TNFRSF8: variants seen among roughly 807,000 people sequenced by gnomAD.
TNFRSF8 encodes tumor necrosis factor receptor superfamily member 8.
A neutral mutation model predicts 70.8 loss-of-function variants in TNFRSF8; 26 were observed. The ratio of observed to expected loss-of-function variants is 0.37; its 90% CI spans 0.27 to 0.51. The LOEUF is 0.51. TNFRSF8 is among the 20% of genes least tolerant of loss of function. The probability of loss-of-function intolerance (pLI) is 0.94; values close to 1 mark genes in which losing one functional copy is unlikely to be tolerated. For missense variants in TNFRSF8, 720 were observed against 807.9 expected, an observed-to-expected ratio of 0.89 and a Z score of 1.32; for synonymous variants, 356 against 339.2, an observed-to-expected ratio of 1.05 and a Z score of -0.54.
In TNFRSF8 at chr1:12,063,525, C is replaced by T; in HGVS notation, c.-74C>T. 7.9e-7 allele frequency: 1 copy of T among 1,262,124 alleles called. No homozygotes were observed. The highest frequency in any genetic ancestry group is 1.6e-5 in the African/African-American group (1 of 64,210). The allele number at this position is 1,262,124 out of a possible 1,614,324, so 78.2% of individuals were successfully genotyped here. A position where few individuals can be genotyped will look rare whatever the true frequency, so the allele number is the denominator to read the frequency against. On this transcript the variant is annotated 5_prime_UTR_variant, in exon 1 of 15. It adds an upstream start codon to the 5' untranslated region. Coordinates refer to ENST00000263932, the MANE Select transcript of TNFRSF8 (RefSeq NM_001243.5). The surrounding 1 kb of genome is among the most constrained non-coding windows in gnomAD (Gnocchi z 7.2). ...GCGGCTGAGAACCGCCGGGACCGCA[C>T]GTGGGCGCCGCGCGCTTCCCCCGCT... is the stretch of plus-strand genomic sequence containing the variant.
At chr1:12,101,668 A>G (rs1296449894) in intron 3 of TNFRSF8, among the ~76,000 whole-genome samples, 1 of 147,706 alleles carries the variant, frequency 6.8e-6, no homozygotes, top group Non-Finnish European at 1.5e-5. Flanking sequence ...TTTCAGCTCC[A>G]TTATAATCTC....
intron 4 of TNFRSF8, among the ~76,000 whole-genome samples, chr1:12,106,254 C>T (rs1425844206): frequency 3.3e-5 from 5 of 152,150 alleles, no homozygotes; most frequent in South Asian, 2.1e-4. Context: ...GGTTGGAGGA[C>T]GTGTGTGCTT....
Position 12,114,616 on chromosome 1 carries a change from A to G in TNFRSF8, c.794-961A>G, listed in dbSNP as rs1367580226. Among the ~76,000 whole-genome samples the G allele has an allele frequency of 2.0e-5, 3 of 151,228 alleles. No homozygotes were observed. The East Asian group carries it at 5.8e-4, about 29-fold the overall frequency. ...GGAGCGTTGCAAAATATTCCCGAAT[A>G]CGTACAAATGCATTATTACACTTAT... On this transcript the variant is annotated intron_variant, in intron 7 of 14. Coordinates refer to ENST00000263932, the MANE Select transcript of TNFRSF8 (RefSeq NM_001243.5).
intron 13 of TNFRSF8, 58 bp downstream of exon 13, chr1:12,135,671 C>A: frequency 3.7e-6 from 6 of 1,604,208 alleles, no homozygotes; most frequent in Non-Finnish European, 5.1e-6. Context: ...TGACTCCTTC[C>A]CTAACAGATC....
chr1:12,114,554 A>G (rs1420905156), intron 7 of TNFRSF8, among the ~76,000 whole-genome samples: 1 of 151,952 alleles, frequency 6.6e-6, no homozygotes, highest in Non-Finnish European at 1.5e-5. Context: ...CATTTGCCTA[A>G]TCTACTGATG....
chr1:12,113,267 C>T lies in TNFRSF8; in HGVS notation c.793+1253C>T, dbSNP rs1172698267. Among the ~76,000 whole-genome samples the T allele has an allele frequency of 4.6e-5, 7 of 152,274 alleles. No homozygotes were observed. In the East Asian group the frequency reaches 9.7e-4, roughly 21 times the overall value. ...TGGTTCCCTTCCATGTCGGCCTCTTCGTGTCTTACCTGGGGCTTCCTCATG... is the reference window on the plus strand; with the variant it reads ...TGGTTCCCTTCCATGTCGGCCTCTTTGTGTCTTACCTGGGGCTTCCTCATG... On this transcript the variant is annotated intron_variant, in intron 7 of 14. Coordinates refer to ENST00000263932, the MANE Select transcript of TNFRSF8 (RefSeq NM_001243.5). This position sits in a 1 kb window ranked among gnomAD's most constrained non-coding sequence, Gnocchi z 4.9.
intron 2 of TNFRSF8, among the ~76,000 whole-genome samples, chr1:12,090,480 G>A (rs1348260433): frequency 1.5e-4 from 14 of 90,962 alleles, no homozygotes; most frequent in African/African-American, 4.4e-4. Flanking sequence ...ATCCATCCAC[G>A]TACCCACTCA....
chr1:12,138,546 A>G lies in TNFRSF8; in HGVS notation c.1543+110A>G. 9.4e-7 allele frequency: 1 copy of G among 1,062,300 alleles called. No homozygotes were observed. The highest frequency in any genetic ancestry group is 1.3e-6 in the Non-Finnish European group (1 of 745,700). 65.8% of individuals were successfully genotyped at this position (1,062,300 alleles called of 1,614,324 possible). ...TGGAGACCCTGGAGTTGAAAGGCCCAGGAAAGGAGAGGCATAGATTCTTCA... is the reference window on the plus strand; with the variant it reads ...TGGAGACCCTGGAGTTGAAAGGCCCGGGAAAGGAGAGGCATAGATTCTTCA... On this transcript the variant is annotated intron_variant, in intron 14 of 14. Coordinates refer to ENST00000263932, the MANE Select transcript of TNFRSF8 (RefSeq NM_001243.5). This position sits in a 1 kb window ranked among gnomAD's most constrained non-coding sequence, Gnocchi z 5.7.
In TNFRSF8 at chr1:12,113,477, A is replaced by G. The variant is rs555036724; in HGVS notation, c.793+1463A>G. 1.3e-5 allele frequency among the ~76,000 whole-genome samples: 2 copies of G among 150,676 alleles called. No individual in the cohort carries two copies. The highest frequency in any genetic ancestry group is 6.6e-5 in the Admixed American group (1 of 15,264). On this transcript the variant is annotated intron_variant, in intron 7 of 14. Coordinates refer to ENST00000263932, the MANE Select transcript of TNFRSF8 (RefSeq NM_001243.5). This position sits in a 1 kb window ranked among gnomAD's most constrained non-coding sequence, Gnocchi z 4.9. Reference sequence around the variant, plus strand: ...GCATGAGCCATTGCCCCCGGCCATAAAAGTCTTGAGAGAGAGAGACAGACA... The same window carrying G: ...GCATGAGCCATTGCCCCCGGCCATAGAAGTCTTGAGAGAGAGAGACAGACA...
chr1:12,127,508 G>C (rs558926822), intron 12 of TNFRSF8, among the ~76,000 whole-genome samples: 1 of 152,352 alleles, frequency 6.6e-6, no homozygotes, highest in South Asian at 2.1e-4. Context: ...CAAGAGCCAC[G>C]TGCTCAGCCT....
At position 12,109,644 on chromosome 1, in the gene TNFRSF8, A is replaced by G. The variant is rs1347758386; in HGVS notation, c.500A>G (p.Lys167Arg). The change falls in exon 5 of 15, where the codon AAG becomes AGG. Residue 167 changes from lysine to arginine, a missense_variant. Coordinates refer to ENST00000263932, the MANE Select transcript of TNFRSF8 (RefSeq NM_001243.5). This position sits in a 1 kb window ranked among gnomAD's most constrained non-coding sequence, Gnocchi z 4.4. ...GCCTGTGCCAGCCCAGAGAACTGCA[A>G]GGAACCCTCCAGGTGACTCCCTGGC... ...SPACASPENC[K>R]EPSSGTIPQA... 6.2e-6 allele frequency: 10 copies of G among 1,613,544 alleles called. No individual in the cohort carries two copies. The highest frequency in any genetic ancestry group is 7.6e-6 in the Non-Finnish European group (9 of 1,179,876).
chr1:12,117,194 T>A (rs975699184), intron 8 of TNFRSF8, among the ~76,000 whole-genome samples: 8 of 152,104 alleles, frequency 5.3e-5, no homozygotes, highest in African/African-American at 1.9e-4. Flanking sequence ...GCAATTCTCC[T>A]GCCTCAGCCT....
At chr1:12,128,177 A>G (rs1570072022) in intron 12 of TNFRSF8, among the ~76,000 whole-genome samples, 1 of 152,214 alleles carries the variant, frequency 6.6e-6, no homozygotes, top group African/African-American at 2.4e-5. Context: ...GTCTTCACGG[A>G]GCACTTCCTC....
At position 12,111,919 on chromosome 1, in the gene TNFRSF8, G is replaced by C. The variant is rs1159379005; in HGVS notation, c.698G>C (p.Cys233Ser). Residue 233 changes from cysteine to serine, a missense_variant, in exon 7 of 15, where the codon TGC becomes TCC. Cys to Ser is a moderately radical substitution (Grantham distance 112, BLOSUM62 -1). Transcript: ENST00000263932. ...SDPGLSPTQP[C>S]PEGSGDCRKQ... ...CCAGGTCTGTCCCCAACACAGCCAT[G>C]CCCAGAGGGGTCTGGTGATTGCAGA... The C allele has an allele frequency of 6.8e-6, 11 of 1,614,116 alleles. No individual in the cohort carries two copies. The highest frequency in any genetic ancestry group is 8.5e-6 in the Non-Finnish European group (10 of 1,180,036).
At chr1:12,076,097 C>CTTTTTTTTTTTTTTTTTTTTTTTTTTTT (rs397829917) in intron 1 of TNFRSF8, among the ~76,000 whole-genome samples, 1 of 139,482 alleles carries the variant, frequency 7.2e-6, no homozygotes. Flanking sequence ...TTTTTTTTTT[C>CTTTTTTTTTTTTTTTTTTTTTTTTTTTT]TTTTTCTTTT....
intron 4 of TNFRSF8, 59 bp downstream of exon 4, chr1:12,104,590 C>T (rs564895957): frequency 1.3e-5 from 21 of 1,599,572 alleles, no homozygotes; most frequent in East Asian, 4.5e-5. Flanking sequence ...CTGCACCTTC[C>T]GCCCACCCCA....
At chr1:12,091,956 AG>A (rs1641254430) in intron 2 of TNFRSF8, among the ~76,000 whole-genome samples, 1 of 152,176 alleles carries the variant, frequency 6.6e-6, no homozygotes, top group Admixed American at 6.5e-5. Flanking sequence ...CTGATCTGAT[AG>A]GAGGTGGGGC....
intron 6 of TNFRSF8, among the ~76,000 whole-genome samples, chr1:12,111,561 A>G (rs1384442619): frequency 6.6e-6 from 1 of 152,106 alleles, no homozygotes; most frequent in Non-Finnish European, 1.5e-5. Flanking sequence ...GAGTTACGCT[A>G]GTGTGCTGAG....
rs540843351 is a variant in TNFRSF8 at position 12,072,101 on chromosome 1, G to A, written c.63+8440G>A. 1.1e-4 allele frequency among the ~76,000 whole-genome samples: 16 copies of A among 152,312 alleles called. No homozygotes were observed. The South Asian group carries it at 3.3e-3, about 32-fold the overall frequency. On this transcript the variant is annotated intron_variant, in intron 1 of 14. Coordinates refer to ENST00000263932, the MANE Select transcript of TNFRSF8 (RefSeq NM_001243.5). ...CTTGAGCAAGTTAAGTTACCTCTGT[G>A]TGCCTCGGTTTCCCCATCTATAAAA...
Sources: allele counts gnomAD v4.1 joint callset (sites outside exome capture counted in the v4.1 genomes callset), GRCh38; gene constraint gnomAD v4.1.1; non-coding constraint Gnocchi (gnomAD v3.1); transcripts MANE v1.5; gene names NCBI Gene and HGNC (gene_info 2026-07-23, HGNC 2026-07-21).